The following MRPL48 variants were observed in gnomAD, a reference collection of about 807,000 sequenced individuals.
MRPL48 encodes the protein large ribosomal subunit protein mL48.
Under a neutral mutation model 32.9 loss-of-function variants are expected in MRPL48, and 16 were observed. That is an observed-to-expected ratio of 0.49 (90% CI 0.33 to 0.74). The LOEUF (loss-of-function observed/expected upper bound fraction) is 0.74, where lower values mean the gene tolerates loss of function less well. Ranked by LOEUF, MRPL48 falls within the 30% of genes least tolerant of loss-of-function variation. The pLI, the probability that MRPL48 is intolerant of heterozygous loss-of-function variation, is 0.02. For missense variants in MRPL48, 206 were observed against 245.3 expected (o/e 0.84, Z 1.07); for synonymous variants, 94 against 89.2 (o/e 1.05, Z -0.31).
chr11:73,849,336 C>T (rs1382441284), intron 5 of MRPL48, among the ~76,000 whole-genome samples: 1 of 152,094 alleles, frequency 6.6e-6, no homozygotes, highest in African/African-American at 2.4e-5. Context: ...GGGGTTTTGC[C>T]ATGTTGGTCA....
At chr11:73,855,550 C>T (rs554028378) in intron 5 of MRPL48, among the ~76,000 whole-genome samples, 15 of 152,212 alleles carry the variant, frequency 9.9e-5, no homozygotes, top group East Asian at 5.8e-4. Flanking sequence ...TGCAGTGGTG[C>T]GATCTCGGCT....
intron 3 of MRPL48, among the ~76,000 whole-genome samples, chr11:73,810,902 G>C (rs941060271): frequency 2.0e-5 from 3 of 152,072 alleles, no homozygotes; most frequent in African/African-American, 7.2e-5. Flanking sequence ...TAAAAATTTA[G>C]GTCTGAGTTG....
chr11:73,789,602 C>T (rs1372544313), intron 1 of MRPL48: 1 of 152,204 alleles, frequency 6.6e-6, no homozygotes, highest in African/African-American at 2.4e-5. Context: ...TTTAACTTTA[C>T]TGCTTCTGTT....
intron 1 of MRPL48, chr11:73,801,962 T>G (rs550471510): frequency 1.6e-4 from 25 of 152,350 alleles, no homozygotes; most frequent in African/African-American, 5.8e-4. Context: ...ACATGACCCT[T>G]GCTCTGAGGA....
chr11:73,857,138 T>TG (rs1948494893), intron 5 of MRPL48, among the ~76,000 whole-genome samples: 1 of 106,230 alleles, frequency 9.4e-6, no homozygotes, highest in Non-Finnish European at 2.1e-5. Flanking sequence ...AGCATAGACC[T>TG]TTTTTTTTTT....
At chr11:73,810,960 A>G (rs1311043083) in intron 3 of MRPL48, among the ~76,000 whole-genome samples, 1 of 152,198 alleles carries the variant, frequency 6.6e-6, no homozygotes, top group African/African-American at 2.4e-5. Flanking sequence ...AATTGAAGCC[A>G]TGGGAATGAA....
intron 6 of MRPL48, 56 bp downstream of exon 6, chr11:73,860,065 T>C: frequency 7.0e-7 from 1 of 1,427,356 alleles, no homozygotes; most frequent in Non-Finnish European, 9.7e-7. Context: ...CTTTTCTCTG[T>C]CCACTTTTTC....
chr11:73,828,997 G>A (rs1012166890), intron 4 of MRPL48, among the ~76,000 whole-genome samples: 1 of 152,212 alleles, frequency 6.6e-6, no homozygotes, highest in Non-Finnish European at 1.5e-5. Flanking sequence ...TTAAAAAAAT[G>A]TCTTAGAATC....
intron 3 of MRPL48, among the ~76,000 whole-genome samples, chr11:73,811,310 C>G (rs1427326068): frequency 6.6e-6 from 1 of 152,022 alleles, no homozygotes; most frequent in Non-Finnish European, 1.5e-5. Flanking sequence ...GGAAATTAAC[C>G]ATGAGGTGAC....
chr11:73,848,780 A>C (rs1440272306), intron 5 of MRPL48, among the ~76,000 whole-genome samples: 1 of 152,058 alleles, frequency 6.6e-6, no homozygotes, highest in Non-Finnish European at 1.5e-5. Context: ...TCCTTAAATA[A>C]CATTAAATCC....
chr11:73,797,962 T>A (rs1351917173), intron 1 of MRPL48, among the ~76,000 whole-genome samples: 2 of 152,074 alleles, frequency 1.3e-5, no homozygotes, highest in Non-Finnish European at 2.9e-5. Flanking sequence ...TGTGTTTGGG[T>A]TTGGATATAA....
chr11:73,845,059 A>G, intron 5 of MRPL48, 83 bp downstream of exon 5: 1 of 1,334,942 alleles, frequency 7.5e-7, no homozygotes. Context: ...TTTGAGATAC[A>G]GTTTACATGT....
intron 1 of MRPL48, among the ~76,000 whole-genome samples, chr11:73,803,480 C>T (rs975216795): frequency 3.9e-5 from 6 of 151,942 alleles, no homozygotes; most frequent in African/African-American, 1.5e-4. Context: ...GGTATATTAG[C>T]TAGTGTCCAT....
intron 1 of MRPL48, among the ~76,000 whole-genome samples, chr11:73,791,897 A>G (rs1054281700): frequency 1.3e-5 from 2 of 152,192 alleles, no homozygotes; most frequent in Non-Finnish European, 2.9e-5. Flanking sequence ...TTGGGGCCCT[A>G]AGAAGTTTCT....
intron 4 of MRPL48, among the ~76,000 whole-genome samples, chr11:73,826,374 T>C (rs1947889857): frequency 6.6e-6 from 1 of 152,156 alleles, no homozygotes; most frequent in Admixed American, 6.5e-5. Flanking sequence ...TGTACTTATT[T>C]CAGTATGGAC....
At chr11:73,845,006 C>T (rs1565106315) in intron 5 of MRPL48, 30 bp downstream of exon 5, 7 of 1,589,354 alleles carry the variant, frequency 4.4e-6, no homozygotes, top group Non-Finnish European at 6.0e-6. Context: ...ATGGGATGTT[C>T]TTGGTGTGGG....
chr11:73,798,945 C>T (rs1478900958), intron 1 of MRPL48, among the ~76,000 whole-genome samples: 4 of 149,844 alleles, frequency 2.7e-5, no homozygotes, highest in South Asian at 4.2e-4. Context: ...GAGCTGAGAT[C>T]GCACCATTGC....
intron 4 of MRPL48, among the ~76,000 whole-genome samples, chr11:73,844,285 G>A (rs750026332): frequency 1.3e-5 from 2 of 152,004 alleles, no homozygotes; most frequent in African/African-American, 2.4e-5. Flanking sequence ...CGAAAAATTA[G>A]CCAGGTGTGG....
At chr11:73,835,497 T>G (rs1948083963) in intron 4 of MRPL48, among the ~76,000 whole-genome samples, 1 of 152,222 alleles carries the variant, frequency 6.6e-6, no homozygotes, top group African/African-American at 2.4e-5. Flanking sequence ...CTTAATACAT[T>G]CTTCATTTCG....
Sources: gnomAD v4.1 joint callset for allele counts (sites outside exome capture counted in the v4.1 genomes callset) on GRCh38, gnomAD v4.1.1 for gene constraint, MANE v1.5 for transcripts, NCBI Gene and HGNC (gene_info 2026-07-23, HGNC 2026-07-21) for gene names.